Variants in ADAMTS19 observed in about 807,000 individuals in gnomAD.
ADAMTS19 encodes the protein ADAM metallopeptidase with thrombospondin type 1 motif 19, also known as A disintegrin and metalloproteinase with thrombospondin motifs 19.
Under a neutral mutation model 153.3 loss-of-function variants are expected in ADAMTS19, and 93 were observed. The observed-to-expected ratio is 0.61, with a 90% CI of 0.51 to 0.72. The LOEUF (loss-of-function observed/expected upper bound fraction) is 0.72. Among genes scored for constraint, ADAMTS19 ranks in the 30% least tolerant of loss-of-function variants. ADAMTS19 has a pLI of 0.00. For synonymous variants in ADAMTS19, 600 were observed against 556.6 expected, an observed-to-expected ratio of 1.08 and a Z score of -1.10; for missense variants, 1,482 against 1,552.1, an observed-to-expected ratio of 0.95 and a Z score of 0.76.
At chr5:129,495,635 A>T (rs1464508927) in intron 2 of ADAMTS19, among the ~76,000 whole-genome samples, 1 of 152,116 alleles carries the variant, frequency 6.6e-6, no homozygotes, top group Non-Finnish European at 1.5e-5. Context: ...GACTGAAAGG[A>T]GTAAACAGAA....
intron 7 of ADAMTS19, among the ~76,000 whole-genome samples, chr5:129,581,838 T>C (rs1269949960): frequency 6.6e-6 from 1 of 152,198 alleles, no homozygotes; most frequent in Non-Finnish European, 1.5e-5. Flanking sequence ...ACTTATTTAT[T>C]TCTGCCTTAA....
intron 21 of ADAMTS19, among the ~76,000 whole-genome samples, chr5:129,729,897 G>A (rs532911684): frequency 6.6e-6 from 1 of 152,006 alleles, no homozygotes; most frequent in Non-Finnish European, 1.5e-5. Context: ...GACTAATTAT[G>A]GGCCTCTTTG....
intron 21 of ADAMTS19, among the ~76,000 whole-genome samples, chr5:129,726,469 A>G (rs1757214582): frequency 1.3e-5 from 2 of 152,124 alleles, no homozygotes; most frequent in Non-Finnish European, 2.9e-5. Flanking sequence ...TATACATTAA[A>G]TTACTTGATA....
At chr5:129,672,769 A>T (rs1283634622) in intron 16 of ADAMTS19, among the ~76,000 whole-genome samples, 1 of 152,064 alleles carries the variant, frequency 6.6e-6, no homozygotes, top group Non-Finnish European at 1.5e-5. Flanking sequence ...CTCAAGACTT[A>T]TATGGTTACT....
chr5:129,676,854 A>G (rs1166662914), intron 16 of ADAMTS19, among the ~76,000 whole-genome samples: 1 of 152,224 alleles, frequency 6.6e-6, no homozygotes, highest in Non-Finnish European at 1.5e-5. Context: ...TTTCTGGAGA[A>G]TGCTGAATGT....
At position 129,527,797 on chromosome 5, in the gene ADAMTS19, G is replaced by A. The variant is rs760011119; in HGVS notation, c.1136G>A (p.Arg379His). The change falls in exon 5 of 23, where the codon CGT becomes CAT. Residue 379 changes from arginine (R) to histidine (H), a missense_variant. By Grantham distance (29) the Arg-to-His change is conservative. This residue lies in a region of ADAMTS19 where 866 missense variants were observed against 827.7 expected (regional missense o/e 1.05). Transcript: ENST00000274487. ...AGTCTGAGTGTGCAGGTCAATCTTC[G>A]TGTGATAAAGCTTATTCTGCTCCAT... is the stretch of plus-strand genomic sequence containing the variant. The part of the protein sequence containing the change: ...HKSLSVQVNL[R>H]VIKLILLHET... The A allele has an allele frequency of 2.7e-5, 44 of 1,600,876 alleles. No individual in the cohort carries two copies. The highest frequency in any genetic ancestry group is 3.3e-5 in the South Asian group (3 of 89,912).
At chr5:129,474,246 TC>T (rs1554085180) in intron 2 of ADAMTS19, among the ~76,000 whole-genome samples, 1 of 152,178 alleles carries the variant, frequency 6.6e-6, no homozygotes, top group Non-Finnish European at 1.5e-5. Context: ...ATTCTTTTTT[TC>T]TTCATGGATT....
At position 129,550,020 on chromosome 5, in the gene ADAMTS19, A is replaced by C. The variant is rs867762851; in HGVS notation, c.1329-1844A>C. Among the ~76,000 whole-genome samples the C allele has an allele frequency of 9.4e-4, 124 of 131,874 alleles. 2 individuals carry two copies. The highest frequency in any genetic ancestry group is 2.1e-3 in the African/African-American group (75 of 36,144). 86.5% of individuals were successfully genotyped at this position (131,874 alleles called of 152,430 possible). A position where few individuals can be genotyped will look rare whatever the true frequency, so the allele number is the denominator to read the frequency against. ...TATCTAGATATACATATACATGTAT[A>C]TGTATATCTAGATATACATATACAT... On this transcript the variant is annotated intron_variant, in intron 6 of 22. Coordinates refer to ENST00000274487, the MANE Select transcript of ADAMTS19 (RefSeq NM_133638.6).
intron 10 of ADAMTS19, among the ~76,000 whole-genome samples, chr5:129,629,132 T>C (rs1284605909): frequency 6.6e-6 from 1 of 152,120 alleles, no homozygotes; most frequent in African/African-American, 2.4e-5. Flanking sequence ...CCTTTTGTCA[T>C]TGTATCTCTA....
chr5:129,654,850 T>G (rs946538218), intron 14 of ADAMTS19, among the ~76,000 whole-genome samples: 20 of 152,216 alleles, frequency 1.3e-4, no homozygotes, highest in African/African-American at 4.8e-4. Flanking sequence ...TCAAGTATCA[T>G]CAATATACTT....
At chr5:129,736,999 T>C in intron 22 of ADAMTS19, 68 bp from the exon 23 acceptor site, 1 of 1,393,178 alleles carries the variant, frequency 7.2e-7, no homozygotes, top group Non-Finnish European at 9.5e-7. Context: ...ACTTAAACGC[T>C]TGAAGTTGGT....
intron 10 of ADAMTS19, among the ~76,000 whole-genome samples, chr5:129,623,168 A>C (rs1751862847): frequency 1.3e-5 from 2 of 152,218 alleles, no homozygotes; most frequent in Non-Finnish European, 2.9e-5. Flanking sequence ...AAAAGGGAAA[A>C]TGTATAATGG....
intron 16 of ADAMTS19, among the ~76,000 whole-genome samples, chr5:129,674,231 CAAA>C (rs34995544): frequency 2.0e-4 from 30 of 148,472 alleles, no homozygotes; most frequent in South Asian, 4.3e-4. Flanking sequence ...AACTCCATCT[CAAA>C]AAAAAAAAAA....
chr5:129,733,132 A>G lies in ADAMTS19; in HGVS notation c.3313-1800A>G, dbSNP rs187890885. On this transcript the variant is annotated intron_variant, in intron 21 of 22. Transcript: ENST00000274487. ...TGCAGAACAATGAAACTGGACCCCT[A>G]TCTCTCACCATATACAAAAATTTAC... is the stretch of plus-strand genomic sequence containing the variant. Among the ~76,000 whole-genome samples, 63 of 152,114 alleles carry G rather than the reference A, an allele frequency of 4.1e-4. No individual in the cohort carries two copies. In the East Asian group the frequency reaches 0.011, roughly 27 times the overall value.
In ADAMTS19 at chr5:129,611,969, CTATTT is replaced by C. The variant is rs915419062; in HGVS notation, c.1479-8639_1479-8635del. Among the ~76,000 whole-genome samples the C allele has an allele frequency of 1.3e-4, 20 of 151,844 alleles. No homozygotes were observed. In the East Asian group the frequency reaches 1.9e-3, roughly 15 times the overall value. On this transcript the variant is annotated intron_variant, in intron 8 of 22. Transcript: ENST00000274487. ...TTCTTAATTTTTGATCTTTTTTAAT[CTATTT>C]TATTTTATTATTATTATATTTTAAG...
intron 2 of ADAMTS19, among the ~76,000 whole-genome samples, chr5:129,469,010 C>G (rs1350566535): frequency 6.6e-6 from 1 of 152,104 alleles, no homozygotes; most frequent in South Asian, 2.1e-4. Context: ...CTCCTGACAT[C>G]AGGTGATCTG....
intron 15 of ADAMTS19, among the ~76,000 whole-genome samples, chr5:129,661,786 G>A (rs1315791247): frequency 6.6e-6 from 1 of 152,078 alleles, no homozygotes; most frequent in African/African-American, 2.4e-5. Flanking sequence ...GAAGAAAATG[G>A]GCATAAAAAA....
At chr5:129,661,680 T>C (rs1753819768) in intron 15 of ADAMTS19, among the ~76,000 whole-genome samples, 2 of 152,254 alleles carry the variant, frequency 1.3e-5, no homozygotes, top group East Asian at 3.8e-4. Context: ...TCTTCCATTG[T>C]AACTTGCCTA....
intron 15 of ADAMTS19, among the ~76,000 whole-genome samples, chr5:129,660,011 G>C (rs1753752771): frequency 6.6e-6 from 1 of 152,130 alleles, no homozygotes; most frequent in South Asian, 2.1e-4. Flanking sequence ...TTAATACAAA[G>C]AACAGGGCAT....
Sources: gnomAD v4.1 joint callset for allele counts (sites outside exome capture counted in the v4.1 genomes callset) on GRCh38, gnomAD v4.1.1 for gene constraint, gnomAD v4.1.1 regional missense constraint, MANE v1.5 for transcripts, NCBI Gene and HGNC (gene_info 2026-07-23, HGNC 2026-07-21) for gene names.